The following TNNI3K variants were observed in gnomAD, a reference collection of about 807,000 sequenced individuals.
TNNI3K encodes the protein TNNI3 interacting kinase.
In TNNI3K, 140 loss-of-function variants were observed where a neutral mutation model predicts 114.5. The ratio of observed to expected loss-of-function variants is 1.22; its 90% confidence interval spans 1.07 to 1.41. The LOEUF (loss-of-function observed/expected upper bound fraction) is 1.41, where lower values mean the gene tolerates loss of function less well. Among genes scored for constraint, TNNI3K ranks in the 40% most tolerant of loss-of-function variants. The pLI is 0.00. For missense variants in TNNI3K, 1,125 were observed against 1,007.6 expected (o/e 1.12, Z -1.58); for synonymous variants, 347 against 347.5 (o/e 1.00, Z 0.02).
At chr1:74,501,532 G>T (rs1045219731) in intron 23 of TNNI3K, among the ~76,000 whole-genome samples, 1 of 151,814 alleles carries the variant, frequency 6.6e-6, no homozygotes, top group African/African-American at 2.4e-5. Context: ...TGTCACCCAG[G>T]CTAGAGTGCA....
chr1:74,391,951 C>CTTA lies in TNNI3K; in HGVS notation c.1772+21565_1772+21567dup, dbSNP rs760862298. On this transcript the variant is annotated intron_variant, in intron 17 of 24. Transcript: ENST00000326637. ...TGGTCCTTGATTTAGGATGGTACAGCTTATTATTTTTTTTTTTTTTTTTTT... is the reference window on the plus strand; with the variant it reads ...TGGTCCTTGATTTAGGATGGTACAGCTTATTATTATTTTTTTTTTTTTTTTTTT... 6.9e-4 allele frequency among the ~76,000 whole-genome samples: 81 copies of CTTA among 117,812 alleles called. 1 individual carries two copies. The highest frequency in any genetic ancestry group is 3.2e-3 in the African/African-American group (74 of 23,016). 77.3% of individuals were successfully genotyped at this position (117,812 alleles called of 152,430 possible). A position where few individuals can be genotyped will look rare whatever the true frequency, so the allele number is the denominator to read the frequency against.
chr1:74,457,195 C>T (rs1461872483), intron 20 of TNNI3K, among the ~76,000 whole-genome samples: 2 of 152,166 alleles, frequency 1.3e-5, no homozygotes, highest in African/African-American at 2.4e-5. Context: ...GCCAACCAAT[C>T]ACCACGCAGA....
chr1:74,297,516 T>TGTGC lies in TNNI3K; in HGVS notation c.444+25811_444+25812insCGTG, dbSNP rs1189250611. Among the ~76,000 whole-genome samples, 21 of 113,794 alleles carry TGTGC rather than the reference T, an allele frequency of 1.8e-4. 1 individual carries two copies. In the South Asian group the frequency reaches 2.8e-3, roughly 15 times the overall value. The allele number at this position is 113,794 out of a possible 152,430, so 74.7% of individuals were successfully genotyped here. On this transcript the variant is annotated intron_variant, in intron 5 of 24. Coordinates refer to ENST00000326637, the MANE Select transcript of TNNI3K (RefSeq NM_015978.3). ...CATGCTTGGCATCTTGTCCAGTGTGTGTGTGCGTGTGTGTGTGTGTGTGTG... is the reference window on the plus strand; with the variant it reads ...CATGCTTGGCATCTTGTCCAGTGTGTGTGCGTGTGCGTGTGTGTGTGTGTGTGTG...
chr1:74,488,557 A>G (rs930432901), intron 21 of TNNI3K, among the ~76,000 whole-genome samples: 2 of 152,240 alleles, frequency 1.3e-5, no homozygotes, highest in Non-Finnish European at 2.9e-5. Flanking sequence ...AATTTTTCCA[A>G]TAATCATTTT....
At chr1:74,368,940 TTAAA>T in intron 13 of TNNI3K, 78 bp from the exon 14 acceptor site, 1 of 1,100,244 alleles carries the variant, frequency 9.1e-7, no homozygotes, top group Non-Finnish European at 1.3e-6. Context: ...ATGTTTTTAG[TTAAA>T]TATATATATG....
intron 23 of TNNI3K, among the ~76,000 whole-genome samples, chr1:74,536,120 GCTGT>G (rs1282590482): frequency 6.6e-6 from 1 of 152,002 alleles, no homozygotes; most frequent in Non-Finnish European, 1.5e-5. Flanking sequence ...TAGTTTGTAG[GCTGT>G]CTTACTCCTG....
intron 5 of TNNI3K, among the ~76,000 whole-genome samples, chr1:74,289,804 T>A (rs1045981369): frequency 6.6e-6 from 1 of 151,990 alleles, no homozygotes; most frequent in African/African-American, 2.4e-5. Context: ...TTTATGTCTT[T>A]TAGCCTAATA....
chr1:74,359,918 T>C (rs1027727013), intron 11 of TNNI3K, among the ~76,000 whole-genome samples: 1 of 151,944 alleles, frequency 6.6e-6, no homozygotes, highest in African/African-American at 2.4e-5. Context: ...CTATGTATCC[T>C]TTATTCAATC....
intron 7 of TNNI3K, among the ~76,000 whole-genome samples, chr1:74,340,489 G>C (rs770876317): frequency 6.6e-6 from 1 of 152,022 alleles, no homozygotes; most frequent in Non-Finnish European, 1.5e-5. Flanking sequence ...ACATGTATAC[G>C]CATAAATTCT....
intron 5 of TNNI3K, among the ~76,000 whole-genome samples, chr1:74,314,050 TATATATATATATATATATA>T (rs1557491442): frequency 1.8e-4 from 8 of 43,712 alleles, no homozygotes; most frequent in Non-Finnish European, 3.7e-4. Flanking sequence ...GTTCATTATA[TATATATATATATATATATA>T]TATATATATA....
rs144098959 is a variant in TNNI3K, at chr1:74,270,998, A to G, written c.334-600A>G. On this transcript the variant is annotated intron_variant, in intron 4 of 24. Transcript: ENST00000326637. ...CAAATTTTTCAAATTTGGAGGCTCA[A>G]ATAATAGTTCTAACATATTCACTGG... 4.8e-3 allele frequency among the ~76,000 whole-genome samples: 730 copies of G among 151,930 alleles called. 3 individuals carry two copies. Among genetic ancestry groups the G allele is most frequent in the African/African-American group, 0.017 (692 of 41,532 alleles).
intron 5 of TNNI3K, among the ~76,000 whole-genome samples, chr1:74,304,476 A>T (rs1280374467): frequency 6.6e-6 from 1 of 152,074 alleles, no homozygotes; most frequent in Non-Finnish European, 1.5e-5. Flanking sequence ...AGGGTCTTGC[A>T]CTGTCACCCA....
chr1:74,331,534 T>C lies in TNNI3K; in HGVS notation c.529T>C (p.Tyr177His), dbSNP rs747971644. ...FFTPLHIAAY[Y>H]GHEQVTRLLL... ...CACTCCATTGCATATTGCAGCGTAC[T>C]ATGGACATGAACAGGTAAGTCTGAC... Residue 177 changes from tyrosine (Y) to histidine (H), a missense_variant, in exon 6 of 25, where the codon TAT becomes CAT. By Grantham distance (83) the Tyr-to-His change is moderately conservative (BLOSUM62 2). Coordinates refer to ENST00000326637, the MANE Select transcript of TNNI3K (RefSeq NM_015978.3). 6.2e-7 allele frequency: 1 copy of C among 1,612,688 alleles called. No individual in the cohort carries two copies. Among genetic ancestry groups the C allele is most frequent in the East Asian group, 2.2e-5 (1 of 44,848 alleles).
At chr1:74,340,853 A>C (rs1190942251) in intron 7 of TNNI3K, among the ~76,000 whole-genome samples, 1 of 152,160 alleles carries the variant, frequency 6.6e-6, no homozygotes, top group African/African-American at 2.4e-5. Context: ...CTTTTTTAAA[A>C]GGGAGATAAT....
chr1:74,237,054 A>T lies in TNNI3K; in HGVS notation c.149+844A>T, dbSNP rs572029335. ...TGACCAAATGACACATCTTTAAAAT[A>T]AAATTTTAGATATAGTAAACATATA... On this transcript the variant is annotated intron_variant, in intron 2 of 24. Transcript: ENST00000326637. 4.4e-4 allele frequency among the ~76,000 whole-genome samples: 67 copies of T among 152,126 alleles called. 1 individual carries two copies. Among genetic ancestry groups the T allele is most frequent in the South Asian group, 3.5e-3 (17 of 4,828 alleles).
intron 16 of TNNI3K, chr1:74,370,064 C>T: frequency 3.1e-6 from 1 of 321,836 alleles, no homozygotes; most frequent in Middle Eastern, 8.8e-4. Flanking sequence ...ATTATAAAAC[C>T]AAGTATAATA....
chr1:74,371,832 C>G (rs1228202760), intron 17 of TNNI3K: 1 of 151,430 alleles, frequency 6.6e-6, no homozygotes, highest in African/African-American at 2.4e-5. Context: ...AAAGATGAAT[C>G]CAGCATCTGG....
intron 17 of TNNI3K, among the ~76,000 whole-genome samples, chr1:74,393,871 GTT>G: frequency 6.6e-6 from 1 of 152,266 alleles, no homozygotes; most frequent in South Asian, 2.1e-4. Flanking sequence ...TCACAATAGG[GTT>G]TGTGCTCCTA....
At chr1:74,484,540 C>T (rs759544976) in intron 21 of TNNI3K, among the ~76,000 whole-genome samples, 9 of 152,108 alleles carry the variant, frequency 5.9e-5, no homozygotes, top group Non-Finnish European at 1.0e-4. Flanking sequence ...CGCATTGACT[C>T]GAGGGCTCTA....
Sources: allele counts gnomAD v4.1 joint callset (sites outside exome capture counted in the v4.1 genomes callset), GRCh38; gene constraint gnomAD v4.1.1; transcripts MANE v1.5; gene names NCBI Gene and HGNC (gene_info 2026-07-23, HGNC 2026-07-21).